TMTC2: variants seen among roughly 807,000 people sequenced by gnomAD.
The protein encoded by TMTC2 is transmembrane O-mannosyltransferase targeting cadherins 2.
In TMTC2, 43 loss-of-function variants were observed where a neutral mutation model predicts 82.4. That is an observed-to-expected ratio of 0.52 (90% CI 0.41 to 0.67). The LOEUF is 0.67. TMTC2 is among the 30% of genes least tolerant of loss of function. The pLI is 0.00. For synonymous variants in TMTC2, 408 were observed against 381.9 expected, an observed-to-expected ratio of 1.07 and a Z score of -0.80; for missense variants, 919 against 1,012.4, an observed-to-expected ratio of 0.91 and a Z score of 1.25.
chr12:82,958,508 G>A (rs1877744079), intron 4 of TMTC2, among the ~76,000 whole-genome samples: 1 of 152,032 alleles, frequency 6.6e-6, no homozygotes, highest in African/African-American at 2.4e-5. Flanking sequence ...TCATTCCTGG[G>A]ATGCAAGGTT....
chr12:82,699,872 T>G (rs1872989745), intron 1 of TMTC2, among the ~76,000 whole-genome samples: 1 of 152,122 alleles, frequency 6.6e-6, no homozygotes, highest in South Asian at 2.1e-4. Context: ...CAACCAACCA[T>G]GGAATGACAA....
intron 1 of TMTC2, among the ~76,000 whole-genome samples, chr12:82,772,918 A>G (rs1156280221): frequency 3.3e-5 from 5 of 152,188 alleles, no homozygotes; most frequent in African/African-American, 1.2e-4. Flanking sequence ...CTAGGTATAA[A>G]TGAAAAAAGG....
chr12:82,692,962 T>G (rs921185090), intron 1 of TMTC2, among the ~76,000 whole-genome samples: 1 of 152,222 alleles, frequency 6.6e-6, no homozygotes, highest in Non-Finnish European at 1.5e-5. Flanking sequence ...GTATGTGCTT[T>G]TGAGGAATAA....
intron 11 of TMTC2, among the ~76,000 whole-genome samples, chr12:83,114,662 G>A (rs1213875374): frequency 6.6e-6 from 1 of 152,040 alleles, no homozygotes; most frequent in Admixed American, 6.6e-5. Flanking sequence ...ATCTCCATCA[G>A]ACAGCTATTT....
chr12:82,939,735 T>C (rs1030600216), intron 4 of TMTC2, among the ~76,000 whole-genome samples: 1 of 152,148 alleles, frequency 6.6e-6, no homozygotes, highest in Non-Finnish European at 1.5e-5. Flanking sequence ...TGGTAACCCC[T>C]GTCAAGATCA....
chr12:82,930,274 C>CTTG (rs1565814497), intron 3 of TMTC2, among the ~76,000 whole-genome samples, 157 bp from the exon 4 acceptor site: 3 of 152,050 alleles, frequency 2.0e-5, no homozygotes, highest in Admixed American at 2.0e-4. Context: ...AATCTCCTGG[C>CTTG]CTGATGAAAT....
chr12:82,780,908 T>A (rs559253821), intron 1 of TMTC2, among the ~76,000 whole-genome samples: 12 of 152,210 alleles, frequency 7.9e-5, no homozygotes, highest in Admixed American at 2.6e-4. Context: ...TAGGGTTATG[T>A]CTCATGTTTT....
At chr12:82,997,174 CT>C (rs1879658913) in intron 8 of TMTC2, among the ~76,000 whole-genome samples, 8 of 63,426 alleles carry the variant, frequency 1.3e-4, no homozygotes, top group Admixed American at 6.4e-4. Context: ...CTCTCTCTCT[CT>C]CCCACCCCTC....
rs1442650328 is a variant in TMTC2 at position 82,687,434 on chromosome 12, A to G, written c.-153A>G. On this transcript the variant is annotated 5_prime_UTR_variant, in exon 1 of 12. Coordinates refer to ENST00000321196, the MANE Select transcript of TMTC2 (RefSeq NM_152588.3). Reference sequence around the variant, plus strand: ...GCGAGGAGGAGGAGAGGAGTCGTGGATTGGAAGGACCCGAGGGAGGGAGGG... The same window carrying G: ...GCGAGGAGGAGGAGAGGAGTCGTGGGTTGGAAGGACCCGAGGGAGGGAGGG... The G allele has an allele frequency of 1.5e-6, 1 of 662,438 alleles. No homozygotes were observed. Among genetic ancestry groups the G allele is most frequent in the Non-Finnish European group, 2.5e-6 (1 of 392,220 alleles). 41.0% of individuals were successfully genotyped at this position (662,438 alleles called of 1,614,324 possible).
At chr12:83,106,956 C>A (rs1351796530) in intron 11 of TMTC2, among the ~76,000 whole-genome samples, 1 of 152,124 alleles carries the variant, frequency 6.6e-6, no homozygotes, top group Non-Finnish European at 1.5e-5. Flanking sequence ...AAATGCTGTG[C>A]AAACAAAACA....
intron 1 of TMTC2, among the ~76,000 whole-genome samples, chr12:82,814,185 C>T (rs1868557845): frequency 6.6e-6 from 1 of 152,034 alleles, no homozygotes; most frequent in African/African-American, 2.4e-5. Context: ...TTTTATTAAC[C>T]ACTCTGTTAA....
At chr12:83,111,311 AG>A (rs756729126) in intron 11 of TMTC2, among the ~76,000 whole-genome samples, 2 of 152,222 alleles carry the variant, frequency 1.3e-5, no homozygotes, top group African/African-American at 2.4e-5. Context: ...TGGGCCACAT[AG>A]TAAATATTTC....
At chr12:82,730,551 A>G (rs907982907) in intron 1 of TMTC2, among the ~76,000 whole-genome samples, 1 of 152,194 alleles carries the variant, frequency 6.6e-6, no homozygotes, top group Non-Finnish European at 1.5e-5. Flanking sequence ...GTGCTTTGTG[A>G]CTACTGAGCA....
chr12:82,728,122 A>G (rs1218062367), intron 1 of TMTC2, among the ~76,000 whole-genome samples: 1 of 151,912 alleles, frequency 6.6e-6, no homozygotes, highest in Non-Finnish European at 1.5e-5. Context: ...GCACATTAGA[A>G]TAGCTGGGAA....
intron 9 of TMTC2, 81 bp from the exon 10 acceptor site, chr12:83,050,821 CTG>C (rs1362506390): frequency 3.7e-6 from 3 of 811,954 alleles, no homozygotes; most frequent in Admixed American, 5.1e-5. Flanking sequence ...ACCTTTACCA[CTG>C]TACTTATTTT....
At chr12:82,745,716 T>A (rs1372892817) in intron 1 of TMTC2, among the ~76,000 whole-genome samples, 1 of 152,126 alleles carries the variant, frequency 6.6e-6, no homozygotes, top group Non-Finnish European at 1.5e-5. Flanking sequence ...ACAGGATTAT[T>A]TATGCTTTCA....
At chr12:82,857,851 TTTA>T (rs1221939368) in intron 2 of TMTC2, among the ~76,000 whole-genome samples, 1 of 152,216 alleles carries the variant, frequency 6.6e-6, no homozygotes, top group African/African-American at 2.4e-5. Flanking sequence ...ACCTTTATTA[TTTA>T]TTGAGTTCTT....
At chr12:83,020,771 C>T (rs948385934) in intron 8 of TMTC2, among the ~76,000 whole-genome samples, 2 of 152,044 alleles carry the variant, frequency 1.3e-5, no homozygotes, top group African/African-American at 4.8e-5. Flanking sequence ...TGGGTGACTC[C>T]TTTAAGTTAG....
intron 1 of TMTC2, among the ~76,000 whole-genome samples, chr12:82,802,173 C>T (rs763708923): frequency 9.9e-5 from 15 of 152,174 alleles, no homozygotes; most frequent in Non-Finnish European, 1.8e-4. Flanking sequence ...CGTGGGGAGG[C>T]AGCTAAGGCC....
Sources: allele counts gnomAD v4.1 joint callset (sites outside exome capture counted in the v4.1 genomes callset), GRCh38; gene constraint gnomAD v4.1.1; transcripts MANE v1.5; gene names NCBI Gene and HGNC (gene_info 2026-07-23, HGNC 2026-07-21).